The following KIDINS220 variants were observed in gnomAD, a reference collection of about 807,000 sequenced individuals.
KIDINS220 encodes kinase D-interacting substrate of 220 kDa.
A neutral mutation model predicts 157.6 loss-of-function variants in KIDINS220; 63 were observed. The ratio of observed to expected loss-of-function variants is 0.40; its 90% confidence interval spans 0.33 to 0.49. The LOEUF is 0.49. Ranked by LOEUF, KIDINS220 falls within the 20% of genes least tolerant of loss-of-function variation. KIDINS220 has a pLI of 0.66. For synonymous variants in KIDINS220, 732 were observed against 783.6 expected, an observed-to-expected ratio of 0.93 and a Z score of 1.10; for missense variants, 1,772 against 2,171.2, an observed-to-expected ratio of 0.82 and a Z score of 3.65.
chr2:8,783,192 C>A lies in KIDINS220; in HGVS notation c.2229+2549G>T, dbSNP rs1241727782. 5.8e-5 allele frequency among the ~76,000 whole-genome samples: 5 copies of A among 85,798 alleles called. No individual in the cohort carries two copies. In the Admixed American group the frequency reaches 7.2e-4, roughly 12 times the overall value. The allele number at this position is 85,798 out of a possible 152,430, so 56.3% of individuals were successfully genotyped here. A position where few individuals can be genotyped will look rare whatever the true frequency, so the allele number is the denominator to read the frequency against. On this transcript the variant is annotated intron_variant, in intron 17 of 29. Coordinates refer to ENST00000256707, the MANE Select transcript of KIDINS220 (RefSeq NM_020738.4). Reference sequence around the variant, plus strand: ...AGCCTGGGCAACAAGAGTAAAACTCCGTCTCAAAAAAAAAAAAAGAAACAG... The same window carrying A: ...AGCCTGGGCAACAAGAGTAAAACTCAGTCTCAAAAAAAAAAAAAGAAACAG...
rs1671289314 is a variant in KIDINS220 at position 8,778,650 on chromosome 2, G to C, written c.2692C>G (p.Leu898Val). Residue 898 changes from leucine to valine, a missense_variant, in exon 20 of 30, where the codon CTC (leucine) becomes GTC (valine). By Grantham distance (32) the Leu-to-Val change is conservative. Coordinates refer to ENST00000256707, the MANE Select transcript of KIDINS220 (RefSeq NM_020738.4). ...EMTKLGSKTA[L>V]NRRDTYRRRQ... ...CAATGGCATCTTACCCGTCTATTGA[G>C]GGCTGTCTTGCTACCAAGTTTTGTC... The C allele has an allele frequency of 6.2e-7, 1 of 1,612,376 alleles. No homozygotes were observed. Among genetic ancestry groups the C allele is most frequent in the East Asian group, 2.2e-5 (1 of 44,882 alleles).
chr2:8,759,392 C>G (rs1668455875), intron 22 of KIDINS220, among the ~76,000 whole-genome samples: 1 of 151,616 alleles, frequency 6.6e-6, no homozygotes, highest in African/African-American at 2.4e-5. Context: ...CTATTTCCCA[C>G]CGAGGGTGTA....
At chr2:8,748,695 T>TAAGG (rs1340587213) in intron 24 of KIDINS220, among the ~76,000 whole-genome samples, 4 of 152,156 alleles carry the variant, frequency 2.6e-5, no homozygotes, top group African/African-American at 9.7e-5. Flanking sequence ...GGTGAAACCT[T>TAAGG]CCCCACCCTT....
chr2:8,827,195 T>C (rs918123013), intron 1 of KIDINS220, 66 bp from the exon 2 acceptor site: 7 of 628,436 alleles, frequency 1.1e-5, no homozygotes, highest in Admixed American at 2.9e-5. Context: ...TTAAATACAA[T>C]ATCCTTCTTA....
In KIDINS220 at chr2:8,750,332, A is replaced by G. The variant is rs1468653904; in HGVS notation, c.3194T>C (p.Val1065Ala). Residue 1065 changes from valine (V) to alanine (A), a missense_variant, in exon 24 of 30, where the codon GTT (valine) becomes GCT (alanine). Transcript: ENST00000256707. ...ACTGATCTGCTCTCTGGCAGCACGA[A>G]CATCTGAAAGATTCAATCAGACCCC... Reference protein sequence around the residue: ...DPKLREIIADVRAAREQISIG... With the variant: ...DPKLREIIADARAAREQISIG... 2 of 1,550,518 alleles carry G rather than the reference A, an allele frequency of 1.3e-6. No homozygotes were observed. The highest frequency in any genetic ancestry group is 1.7e-6 in the Non-Finnish European group (2 of 1,143,022).
At chr2:8,833,296 T>G (rs1195309683) in intron 1 of KIDINS220, among the ~76,000 whole-genome samples, 1 of 152,308 alleles carries the variant, frequency 6.6e-6, no homozygotes, top group East Asian at 1.9e-4. Flanking sequence ...AAATAATACC[T>G]AACCCATATG....
At chr2:8,762,730 C>T (rs1041708858) in intron 22 of KIDINS220, among the ~76,000 whole-genome samples, 1 of 151,826 alleles carries the variant, frequency 6.6e-6, no homozygotes, top group East Asian at 1.9e-4. Flanking sequence ...CAGAGCGAGA[C>T]CCCATCTCAA....
intron 4 of KIDINS220, 25 bp downstream of exon 4, chr2:8,817,593 T>C: frequency 7.7e-7 from 1 of 1,302,290 alleles, no homozygotes; most frequent in South Asian, 1.4e-5. Flanking sequence ...TTCAGCTAAT[T>C]AAGAACATAT....
At chr2:8,732,116 C>T (rs1245288763) in intron 29 of KIDINS220, 134 bp from the exon 30 acceptor site, 1 of 709,402 alleles carries the variant, frequency 1.4e-6, no homozygotes, top group Non-Finnish European at 2.1e-6. Context: ...TAAAAGAATT[C>T]TACATAACAC....
rs199990643 is a variant in KIDINS220 at position 8,750,212 on chromosome 2, G to A, written c.3314C>T (p.Thr1105Met). 3.3e-5 allele frequency: 53 copies of A among 1,614,098 alleles called. No individual in the cohort carries two copies. The highest frequency in any genetic ancestry group is 3.3e-4 in the Middle Eastern group (2 of 6,084). ...YSQPPSVCSS[T>M]SFNGPFAGGV... The stretch of plus-strand genomic sequence containing the variant: ...ACCTGCGAAGGGCCCATTGAAGGAC[G>A]TGGAAGAGCACACGGATGGGGGCTG... The change falls in exon 24 of 30, where the codon ACG becomes ATG. Residue 1105 changes from threonine to methionine, a missense_variant. By Grantham distance (81) the Thr-to-Met change is moderately conservative (BLOSUM62 -1). Coordinates refer to ENST00000256707, the MANE Select transcript of KIDINS220 (RefSeq NM_020738.4).
At chr2:8,746,884 T>A (rs1572476373) in intron 26 of KIDINS220, 3 of 419,558 alleles carry the variant, frequency 7.2e-6, no homozygotes, top group East Asian at 7.7e-5. Context: ...AAAAAGCCCT[T>A]CCTTATTGAA....
Position 8,747,154 on chromosome 2 carries a change from G to A in KIDINS220, c.3576C>T (p.Asp1192=). The A allele has an allele frequency of 6.2e-7, 1 of 1,613,996 alleles. No homozygotes were observed. The highest frequency in any genetic ancestry group is 8.5e-7 in the Non-Finnish European group (1 of 1,179,838). The part of the protein sequence containing the change: ...DAAEGLSSPT[D]SSRGSGPAPG... ...AGGACTACTCCATTACCCTCGAGGAGTCTGTGGGTGAAGAAAGCCCCTCAG... is the reference window on the plus strand; with the variant it reads ...AGGACTACTCCATTACCCTCGAGGAATCTGTGGGTGAAGAAAGCCCCTCAG... The change falls in exon 26 of 30, where the codon GAC becomes GAT. Residue 1192 remains aspartate, a synonymous_variant. Coordinates refer to ENST00000256707, the MANE Select transcript of KIDINS220 (RefSeq NM_020738.4).
At chr2:8,762,951 A>T (rs1668969869) in intron 22 of KIDINS220, among the ~76,000 whole-genome samples, 1 of 152,190 alleles carries the variant, frequency 6.6e-6, no homozygotes, top group Non-Finnish European at 1.5e-5. Context: ...TAAATAAAGC[A>T]TTTATTTGAG....
At chr2:8,769,325 A>G (rs1439974164) in intron 22 of KIDINS220, among the ~76,000 whole-genome samples, 1 of 152,222 alleles carries the variant, frequency 6.6e-6, no homozygotes, top group Non-Finnish European at 1.5e-5. Flanking sequence ...ACATTCCTGG[A>G]GTAATATACT....
At chr2:8,790,919 A>G (rs1673097665) in intron 13 of KIDINS220, 141 bp downstream of exon 13, 2 of 608,550 alleles carry the variant, frequency 3.3e-6, no homozygotes. Context: ...CGTGTGAAGG[A>G]CCAACCAGAG....
At chr2:8,744,383 AAAAAAATATATATATATAATATATATAT>A (rs1466307623) in intron 26 of KIDINS220, among the ~76,000 whole-genome samples, 62 of 28,918 alleles carry the variant, frequency 2.1e-3, no homozygotes, top group South Asian at 3.8e-3. Context: ...AAAAAAAAAA[AAAAAAATATATATATATAATATATATAT>A]ATATATATAT....
intron 22 of KIDINS220, among the ~76,000 whole-genome samples, chr2:8,763,448 G>T (rs1669041409): frequency 6.6e-6 from 1 of 152,140 alleles, no homozygotes; most frequent in African/African-American, 2.4e-5. Flanking sequence ...AGATTTGGGG[G>T]CATTTCAGAT....
chr2:8,748,686 G>A (rs1666907523), intron 24 of KIDINS220, among the ~76,000 whole-genome samples: 1 of 152,122 alleles, frequency 6.6e-6, no homozygotes, highest in Admixed American at 6.5e-5. Flanking sequence ...TTACACTGAG[G>A]TGAAACCTTC....
At chr2:8,772,831 G>GCAA (rs70946382) in intron 21 of KIDINS220, among the ~76,000 whole-genome samples, 147,084 of 152,160 alleles carry the variant, frequency 0.97, 71,137 homozygotes, top group Middle Eastern at 0.99. Flanking sequence ...TTTCCTAATA[G>GCAA]CAACTATTTG....
Sources: gnomAD v4.1 joint callset for allele counts (sites outside exome capture counted in the v4.1 genomes callset) on GRCh38, gnomAD v4.1.1 for gene constraint, MANE v1.5 for transcripts, NCBI Gene and HGNC (gene_info 2026-07-23, HGNC 2026-07-21) for gene names.